Variants in SRSF11 observed in about 807,000 individuals in gnomAD.
The protein encoded by SRSF11 is serine/arginine-rich splicing factor 11.
SRSF11 carries 9 observed loss-of-function variants against 56.0 expected under a neutral mutation model. That is an observed-to-expected ratio of 0.16 (90% CI 0.10 to 0.28). SRSF11 has a LOEUF of 0.28. Ranked by LOEUF, SRSF11 falls within the 10% of genes least tolerant of loss-of-function variation. The probability of loss-of-function intolerance (pLI) is 1.00; values close to 1 mark genes in which losing one functional copy is unlikely to be tolerated. For synonymous variants in SRSF11, 222 were observed against 215.3 expected (o/e 1.03, Z -0.27); for missense variants, 421 against 600.7 (o/e 0.70, Z 3.13).
intron 2 of SRSF11, chr1:70,230,359 C>T (rs1182800204): frequency 1.1e-5 from 12 of 1,068,174 alleles, no homozygotes; most frequent in South Asian, 2.6e-5. Context: ...TATTACACTT[C>T]GGTGTTAGCT....
At chr1:70,213,611 C>A (rs2100499951) in intron 1 of SRSF11, among the ~76,000 whole-genome samples, 1 of 152,160 alleles carries the variant, frequency 6.6e-6, no homozygotes, top group South Asian at 2.1e-4. Context: ...CTACTATTAC[C>A]TGCTTTATAT....
At position 70,246,849 on chromosome 1, in the gene SRSF11, C is replaced by T. The variant is rs1264485845; in HGVS notation, c.964C>T (p.Arg322Cys). 3.7e-6 allele frequency: 6 copies of T among 1,610,130 alleles called. No homozygotes were observed. Among genetic ancestry groups the T allele is most frequent in the Admixed American group, 3.4e-5 (2 of 59,386 alleles). ...DKKKEDKEKK[R>C]SKTPPKSYST... ...AAAGAAAGAAGACAAAGAAAAGAAA[C>T]GTTCTAAAACACCACCAAAAAGTTA... The change falls in exon 9 of 12, where the codon CGT (arginine) becomes TGT (cysteine). Residue 322 changes from arginine (R) to cysteine (C), a missense_variant. Physicochemically the swap from Arg to Cys is radical, Grantham distance 180 (BLOSUM62 -3). Coordinates refer to ENST00000370949, the MANE Select transcript of SRSF11 (RefSeq NM_001350605.2).
chr1:70,242,523 C>T (rs1377543402), intron 7 of SRSF11, among the ~76,000 whole-genome samples: 4 of 150,816 alleles, frequency 2.7e-5, no homozygotes, highest in South Asian at 2.1e-4. Context: ...AGGCTGGTCT[C>T]GAACTCCTGA....
At chr1:70,232,000 CA>C in intron 2 of SRSF11, 2 of 1,519,504 alleles carry the variant, frequency 1.3e-6, no homozygotes, top group East Asian at 2.5e-5. Context: ...GCAGTGTTAA[CA>C]AAAAAGTAGT....
At chr1:70,214,129 A>G (rs1322706775) in intron 1 of SRSF11, among the ~76,000 whole-genome samples, 5 of 152,254 alleles carry the variant, frequency 3.3e-5, no homozygotes, top group African/African-American at 1.2e-4. Context: ...ATTAAAATGC[A>G]TGAAACTATT....
At chr1:70,243,885 A>T (rs1676123892) in intron 7 of SRSF11, among the ~76,000 whole-genome samples, 1 of 152,160 alleles carries the variant, frequency 6.6e-6, no homozygotes, top group African/African-American at 2.4e-5. Context: ...CCCATCGCTT[A>T]AAAGATAGAG....
Position 70,252,022 on chromosome 1 carries a change from C to T in SRSF11, c.*1217C>T, listed in dbSNP as rs1055640693. On this transcript the variant is annotated 3_prime_UTR_variant, in exon 12 of 12. Transcript: ENST00000370949. ...ACTTATGTTCATGTTCCTGTAAAAC[C>T]GTATTTGTATTTATTTACGCTACTG... 5 of 152,436 alleles carry T rather than the reference C, an allele frequency of 3.3e-5. No individual in the cohort carries two copies. Among genetic ancestry groups the T allele is most frequent in the Non-Finnish European group, 5.9e-5 (4 of 67,960 alleles). The allele number at this position is 152,436 out of a possible 1,614,324, so 9.4% of individuals were successfully genotyped here.
rs1370420323 is a variant in SRSF11 at position 70,252,384 on chromosome 1, T to C, written c.*1579T>C. 6.6e-6 allele frequency: 1 copy of C among 152,238 alleles called. No individual in the cohort carries two copies. The highest frequency in any genetic ancestry group is 1.9e-4 in the East Asian group (1 of 5,180). The allele number at this position is 152,238 out of a possible 1,614,324, so 9.4% of individuals were successfully genotyped here. A position where few individuals can be genotyped will look rare whatever the true frequency, so the allele number is the denominator to read the frequency against. ...TATGTATCTACTGTACAGTACTAAA[T>C]AGTATTCATTTATGAAATGAGTAGT... is the stretch of plus-strand genomic sequence containing the variant. On this transcript the variant is annotated 3_prime_UTR_variant, in exon 12 of 12. Transcript: ENST00000370949.
chr1:70,236,689 G>C (rs1674127822), intron 5 of SRSF11, among the ~76,000 whole-genome samples: 1 of 150,358 alleles, frequency 6.7e-6, no homozygotes, highest in African/African-American at 2.4e-5. Context: ...TTCCACTCAA[G>C]ACTTCATGTG....
chr1:70,230,896 G>A, intron 2 of SRSF11: 1 of 1,188,640 alleles, frequency 8.4e-7, no homozygotes, highest in Non-Finnish European at 1.1e-6. Context: ...ATGCATTACT[G>A]CCCTATATCT....
At chr1:70,235,581 A>ATG (rs1381522866) in intron 5 of SRSF11, 31 bp downstream of exon 5, 1 of 1,599,592 alleles carries the variant, frequency 6.3e-7, no homozygotes, top group African/African-American at 1.4e-5. Flanking sequence ...TTCATTGGTG[A>ATG]TGTGGTATCT....
chr1:70,247,134 A>G (rs1298384239), intron 9 of SRSF11: 4 of 1,050,340 alleles, frequency 3.8e-6, no homozygotes, highest in East Asian at 4.1e-5. Context: ...TTGAAGTAAC[A>G]TGGAATTCAA....
At chr1:70,236,747 A>G (rs193242473) in intron 5 of SRSF11, among the ~76,000 whole-genome samples, 6 of 151,230 alleles carry the variant, frequency 4.0e-5, no homozygotes, top group Admixed American at 4.0e-4. Context: ...CCCCACCTAC[A>G]AAGTAAAAGG....
chr1:70,249,149 G>A (rs1352819641), intron 9 of SRSF11: 2 of 152,048 alleles, frequency 1.3e-5, no homozygotes, highest in African/African-American at 4.8e-5. Flanking sequence ...GGGTTTTGGG[G>A]GACTGCAGGA....
chr1:70,213,871 A>G (rs1669776961), intron 1 of SRSF11, among the ~76,000 whole-genome samples: 1 of 152,188 alleles, frequency 6.6e-6, no homozygotes, highest in African/African-American at 2.4e-5. Context: ...GGCCTGCATT[A>G]TTAATCACTC....
intron 1 of SRSF11, among the ~76,000 whole-genome samples, chr1:70,206,219 G>T (rs1003920718): frequency 1.3e-5 from 2 of 152,144 alleles, no homozygotes; most frequent in Non-Finnish European, 1.5e-5. Context: ...GACAAGTAGT[G>T]GTACATGCTT....
Position 70,209,740 on chromosome 1 carries a change from CTTTTTTTTTTTTTTTTTTTTTTTT to C in SRSF11, c.-26+3976_-26+3999del, listed in dbSNP as rs923729248. On this transcript the variant is annotated intron_variant, in intron 1 of 12. Coordinates refer to the SRSF11 transcript ENST00000370950. ...AGCTGGGACTAAAAGCACCTCGCTT[CTTTTTTTTTTTTTTTTTTTTTTTT>C]TTTTTTTTTTTTTTTGTAGAGATGA... is the stretch of plus-strand genomic sequence containing the variant. 8.0e-4 allele frequency among the ~76,000 whole-genome samples: 22 copies of C among 27,478 alleles called. 1 individual carries two copies. Among genetic ancestry groups the C allele is most frequent in the African/African-American group, 2.2e-3 (15 of 6,832 alleles). The allele number at this position is 27,478 out of a possible 152,430, so 18.0% of individuals were successfully genotyped here.
At chr1:70,231,782 T>A (rs1164391271) in intron 2 of SRSF11, 4 of 1,318,138 alleles carry the variant, frequency 3.0e-6, no homozygotes, top group Non-Finnish European at 4.0e-6. Context: ...AAAATCATAG[T>A]AACTGTACCA....
At chr1:70,233,276 G>A (rs1281812357) in intron 3 of SRSF11, among the ~76,000 whole-genome samples, 1 of 151,224 alleles carries the variant, frequency 6.6e-6, no homozygotes, top group Non-Finnish European at 1.5e-5. Flanking sequence ...ACAGAGTCTC[G>A]CCCTGTCACC....
Sources: allele counts gnomAD v4.1 joint callset (sites outside exome capture counted in the v4.1 genomes callset), GRCh38; gene constraint gnomAD v4.1.1; transcripts MANE v1.5; gene names NCBI Gene and HGNC (gene_info 2026-07-23, HGNC 2026-07-21).